TSPAN9: variants seen among roughly 807,000 people sequenced by gnomAD.
The protein encoded by TSPAN9 is tetraspanin 9.
A neutral mutation model predicts 31.0 loss-of-function variants in TSPAN9; 16 were observed. That is an observed-to-expected ratio of 0.52 (90% confidence interval 0.35 to 0.78). The LOEUF (loss-of-function observed/expected upper bound fraction) is 0.78. Among genes scored for constraint, TSPAN9 ranks in the 30% least tolerant of loss-of-function variants. TSPAN9 has a pLI of 0.01. For synonymous variants in TSPAN9, 145 were observed against 121.6 expected, an observed-to-expected ratio of 1.19 and a Z score of -1.27; for missense variants, 272 against 312.5, an observed-to-expected ratio of 0.87 and a Z score of 0.98.
intron 2 of TSPAN9, among the ~76,000 whole-genome samples, chr12:3,095,896 C>T (rs1271337405): frequency 1.3e-5 from 2 of 148,342 alleles, no homozygotes; most frequent in Non-Finnish European, 3.0e-5. Flanking sequence ...AGACGATGGG[C>T]GGCCAGGCAG....
At position 3,280,393 on chromosome 12, in the gene TSPAN9, C is replaced by T. The variant is rs877089; in HGVS notation, c.342C>T (p.Asn114=). 0.016 allele frequency: 26,372 copies of T among 1,612,956 alleles called. 327 individuals carry two copies. Among genetic ancestry groups the T allele is most frequent in the African/African-American group, 0.058 (4,357 of 74,988 alleles). ...CCTCCGCCTGGCAGGTGAACGAGAA[C>T]GCCAAGAAGGACCTGAAGGAAGGCC... The part of the protein sequence containing the change: ...FFVYMDKVNE[N]AKKDLKEGLL... Residue 114 remains asparagine, a synonymous_variant, in exon 6 of 9, where the codon AAC becomes AAT. Coordinates refer to ENST00000011898, the MANE Select transcript of TSPAN9 (RefSeq NM_006675.5). The surrounding 1 kb of genome is among the most constrained non-coding windows in gnomAD (Gnocchi z 4.5).
intron 3 of TSPAN9, among the ~76,000 whole-genome samples, chr12:3,229,604 G>C (rs750435318): frequency 3.9e-5 from 6 of 152,228 alleles, no homozygotes; most frequent in African/African-American, 7.2e-5. Context: ...GTGTATTTGA[G>C]GGCTGTGGCC....
intron 2 of TSPAN9, among the ~76,000 whole-genome samples, chr12:3,169,297 A>T (rs1022861959): frequency 6.6e-6 from 1 of 152,210 alleles, no homozygotes; most frequent in Non-Finnish European, 1.5e-5. Context: ...TCTCTGAGAG[A>T]GGAGTGGAAG....
intron 3 of TSPAN9, among the ~76,000 whole-genome samples, chr12:3,213,167 G>T (rs1199306111): frequency 6.6e-6 from 1 of 152,210 alleles, no homozygotes; most frequent in Non-Finnish European, 1.5e-5. Context: ...AACGCCAGGT[G>T]GAGGAAGGTC....
At chr12:3,124,566 A>C (rs1314623440) in intron 2 of TSPAN9, among the ~76,000 whole-genome samples, 1 of 151,690 alleles carries the variant, frequency 6.6e-6, no homozygotes, top group East Asian at 1.9e-4. Context: ...CACAACCAAC[A>C]CGCGTGGCTA....
chr12:3,218,409 C>T (rs1046038308), intron 3 of TSPAN9, among the ~76,000 whole-genome samples: 7 of 152,238 alleles, frequency 4.6e-5, no homozygotes, highest in African/African-American at 1.7e-4. Flanking sequence ...TTACTGAGCT[C>T]TCAAAAGGAC....
At chr12:3,281,031 C>T (rs66462026) in intron 6 of TSPAN9, among the ~76,000 whole-genome samples, 167 bp from the exon 7 acceptor site, 6,403 of 152,234 alleles carry the variant, frequency 0.042, 183 homozygotes, top group Non-Finnish European at 0.063. Flanking sequence ...CCAGTGGGCC[C>T]GGCTGAAGCC....
In TSPAN9 at chr12:3,168,412, AAG is replaced by A. The variant is rs1322190579; in HGVS notation, c.-17-32763_-17-32762del. Among the ~76,000 whole-genome samples the A allele has an allele frequency of 6.6e-6, 1 of 152,198 alleles. No homozygotes were observed. Among genetic ancestry groups the A allele is most frequent in the Non-Finnish European group, 1.5e-5 (1 of 68,046 alleles). On this transcript the variant is annotated intron_variant, in intron 2 of 8. Coordinates refer to ENST00000011898, the MANE Select transcript of TSPAN9 (RefSeq NM_006675.5). The surrounding 1 kb of genome is among the most constrained non-coding windows in gnomAD (Gnocchi z 4.0). ...GGTGCTGTAGGGGTGCTGGGTGAACAAGAACTGGGCCTGTCTGCAGCTGCTCA... is the reference window on the plus strand; with the variant it reads ...GGTGCTGTAGGGGTGCTGGGTGAACAAACTGGGCCTGTCTGCAGCTGCTCA...
intron 2 of TSPAN9, among the ~76,000 whole-genome samples, chr12:3,152,184 C>G (rs1326748001): frequency 6.6e-6 from 1 of 152,196 alleles, no homozygotes; most frequent in Non-Finnish European, 1.5e-5. Context: ...CCAAGGCACC[C>G]CCCTCTGTCA....
intron 2 of TSPAN9, among the ~76,000 whole-genome samples, chr12:3,178,191 C>T (rs1486206124): frequency 6.6e-6 from 1 of 152,200 alleles, no homozygotes; most frequent in Non-Finnish European, 1.5e-5. Context: ...ACTCCCCATA[C>T]AGTGCTTAGC....
intron 2 of TSPAN9, among the ~76,000 whole-genome samples, chr12:3,137,749 A>G (rs990364265): frequency 6.6e-6 from 1 of 152,016 alleles, no homozygotes; most frequent in Non-Finnish European, 1.5e-5. Context: ...TCTCTGTTAC[A>G]TCAGCCTACA....
chr12:3,216,976 C>A (rs189044593), intron 3 of TSPAN9, among the ~76,000 whole-genome samples: 5 of 152,338 alleles, frequency 3.3e-5, no homozygotes, highest in African/African-American at 7.2e-5. Context: ...CCTGAGTAGG[C>A]CCCTGAACTG....
chr12:3,109,050 C>G (rs11609275), intron 2 of TSPAN9, among the ~76,000 whole-genome samples: 138,535 of 151,880 alleles, frequency 0.91, 63,334 homozygotes, highest in East Asian at 0.98. Flanking sequence ...ATTCTCCTGT[C>G]TCAGCCTCCC....
At chr12:3,248,950 C>T (rs1173477427) in intron 3 of TSPAN9, among the ~76,000 whole-genome samples, 2 of 152,252 alleles carry the variant, frequency 1.3e-5, no homozygotes, top group Admixed American at 1.3e-4. Flanking sequence ...ACCCATGCCG[C>T]CTCCCTGAGG....
At chr12:3,281,103 G>T in intron 6 of TSPAN9, 95 bp from the exon 7 acceptor site, 9 of 1,522,532 alleles carry the variant, frequency 5.9e-6, no homozygotes, top group Non-Finnish European at 7.9e-6. Flanking sequence ...GGCCACTTTT[G>T]CGGGGACTGG....
At chr12:3,281,927 TTCA>T (rs1244211759) in intron 8 of TSPAN9, 110 bp downstream of exon 8, 1 of 1,208,254 alleles carries the variant, frequency 8.3e-7, no homozygotes, top group Non-Finnish European at 1.2e-6. Context: ...GGGTCTGGAA[TTCA>T]TCACAGCTAT....
At chr12:3,144,654 C>T (rs575867901) in intron 2 of TSPAN9, among the ~76,000 whole-genome samples, 1 of 152,350 alleles carries the variant, frequency 6.6e-6, no homozygotes, top group Non-Finnish European at 1.5e-5. Flanking sequence ...TACTTTGCTG[C>T]AGTGGCTCCG....
At chr12:3,167,710 C>G (rs1359150015) in intron 2 of TSPAN9, among the ~76,000 whole-genome samples, 1 of 152,166 alleles carries the variant, frequency 6.6e-6, no homozygotes. Context: ...TGAGCATGGT[C>G]TCCCGCTTGG....
At chr12:3,131,480 C>T (rs557280103) in intron 2 of TSPAN9, among the ~76,000 whole-genome samples, 3 of 152,182 alleles carry the variant, frequency 2.0e-5, no homozygotes, top group Non-Finnish European at 4.4e-5. Flanking sequence ...TTTCTTCACC[C>T]GAAACTGGGG....
Sources: gnomAD v4.1 joint callset for allele counts (sites outside exome capture counted in the v4.1 genomes callset) on GRCh38, gnomAD v4.1.1 for gene constraint, Gnocchi (gnomAD v3.1) non-coding constraint, MANE v1.5 for transcripts, NCBI Gene and HGNC (gene_info 2026-07-23, HGNC 2026-07-21) for gene names.